The following ATP8B3 variants were observed in gnomAD, a reference collection of about 807,000 sequenced individuals.
ATP8B3 encodes phospholipid-transporting ATPase IK.
In ATP8B3, 141 loss-of-function variants were observed where a neutral mutation model predicts 140.9. That is an observed-to-expected ratio of 1.00 (90% CI 0.87 to 1.15). The LOEUF (loss-of-function observed/expected upper bound fraction) is 1.15, where lower values mean the gene tolerates loss of function less well. Ranked by LOEUF, ATP8B3 falls within the 50% of genes most tolerant of loss-of-function variation. The pLI, the probability that ATP8B3 is intolerant of heterozygous loss-of-function variation, is 0.00. For missense variants in ATP8B3, 1,874 were observed against 1,740.6 expected (o/e 1.08, Z -1.36); for synonymous variants, 765 against 714.6 (o/e 1.07, Z -1.13).
Position 1,788,735 on chromosome 19 carries a change from T to C in ATP8B3, c.3069+162A>G, listed in dbSNP as rs866552844. 3.9e-5 allele frequency among the ~76,000 whole-genome samples: 6 copies of C among 152,198 alleles called. No homozygotes were observed. In the Middle Eastern group the frequency reaches 9.5e-3, roughly 241 times the overall value. On this transcript the variant is annotated intron_variant, in intron 24 of 28. Coordinates refer to ENST00000310127, the MANE Select transcript of ATP8B3 (RefSeq NM_138813.4). The stretch of plus-strand genomic sequence containing the variant: ...CCGTCACCTCCCTTCACCTGGACTC[T>C]AGGCCTCCACTAACGCAGCCTTGCC...
At chr19:1,810,216 G>A (rs977869787) in intron 3 of ATP8B3, among the ~76,000 whole-genome samples, 4 of 152,234 alleles carry the variant, frequency 2.6e-5, no homozygotes, top group South Asian at 2.1e-4. Flanking sequence ...AAGGCCTGAC[G>A]TGCAGGTCTG....
chr19:1,792,271 C>G, intron 18 of ATP8B3, 136 bp from the exon 19 acceptor site: 1 of 1,054,830 alleles, frequency 9.5e-7, no homozygotes, highest in Non-Finnish European at 1.3e-6. Context: ...CAACAGCAGC[C>G]AGAAGGGATT....
chr19:1,803,240 T>TA (rs985169474), intron 10 of ATP8B3, among the ~76,000 whole-genome samples: 1 of 151,994 alleles, frequency 6.6e-6, no homozygotes, highest in African/African-American at 2.4e-5. Context: ...CAGTGAGGGT[T>TA]AAAATGACAA....
chr19:1,791,921 G>T, intron 19 of ATP8B3, 60 bp from the exon 20 acceptor site: 1 of 1,599,444 alleles, frequency 6.3e-7, no homozygotes, highest in East Asian at 2.2e-5. Context: ...CTCCCTGGCG[G>T]GGGCAGGAGA....
At chr19:1,811,096 C>T (rs1185747909) in intron 2 of ATP8B3, among the ~76,000 whole-genome samples, 1 of 152,240 alleles carries the variant, frequency 6.6e-6, no homozygotes, top group Non-Finnish European at 1.5e-5. Flanking sequence ...CCTCCTGCCC[C>T]TCTCCCCATG....
At chr19:1,788,744 A>G (rs1462832354) in intron 24 of ATP8B3, among the ~76,000 whole-genome samples, 153 bp downstream of exon 24, 1 of 152,152 alleles carries the variant, frequency 6.6e-6, no homozygotes, top group Non-Finnish European at 1.5e-5. Context: ...CTAGGCCTCC[A>G]CTAACGCAGC....
At chr19:1,802,190 TC>T (rs1183442682) in intron 11 of ATP8B3, 146 bp from the exon 12 acceptor site, 3 of 224,786 alleles carry the variant, frequency 1.3e-5, no homozygotes, top group South Asian at 3.1e-5. Flanking sequence ...CATCCACCCC[TC>T]ACCCACCCAT....
At position 1,794,505 on chromosome 19, in the gene ATP8B3, C is replaced by T. The variant is rs775008700; in HGVS notation, c.2055+1370G>A. On this transcript the variant is annotated intron_variant, in intron 18 of 28. Coordinates refer to ENST00000310127, the MANE Select transcript of ATP8B3 (RefSeq NM_138813.4). The surrounding 1 kb of genome is among the most constrained non-coding windows in gnomAD (Gnocchi z 4.8). The stretch of plus-strand genomic sequence containing the variant: ...GCCCCAGCAGAACCTGTGAGGAGCC[C>T]CCAGGCTGGACGCAGAATCCTCTGG... 3.9e-5 allele frequency among the ~76,000 whole-genome samples: 6 copies of T among 152,134 alleles called. No individual in the cohort carries two copies. Among genetic ancestry groups the T allele is most frequent in the Middle Eastern group, 3.4e-3 (1 of 294 alleles).
rs773940949 is a variant in ATP8B3, at chr19:1,802,694, C to A, written c.905-49G>T. 2.5e-6 allele frequency: 4 copies of A among 1,570,170 alleles called. No homozygotes were observed. The South Asian group carries it at 3.5e-5, about 14-fold the overall frequency. ...GGGTCAGTGGGCTCAGGCCCTCCTC[C>A]CCAGGTTCCCTGCACCGGGTGCAGG... On this transcript the variant is annotated intron_variant, in intron 10 of 28. Coordinates refer to ENST00000310127, the MANE Select transcript of ATP8B3 (RefSeq NM_138813.4).
rs2068253982 is a variant in ATP8B3 at position 1,784,916 on chromosome 19, G to C, written c.3563C>G (p.Ser1188Cys). 1.2e-6 allele frequency: 2 copies of C among 1,613,008 alleles called. No individual in the cohort carries two copies. Among genetic ancestry groups the C allele is most frequent in the Non-Finnish European group, 8.5e-7 (1 of 1,179,650 alleles). ...ACTCAGCAGGACCACCAGCAGGATG[G>C]AGGGAGAGGACATCACGCTGAGGTC... ...YADLSVMSSPSILLVVLLSVS... is the reference protein window; with the variant it reads ...YADLSVMSSPCILLVVLLSVS... Residue 1188 changes from serine (S) to cysteine (C), a missense_variant, in exon 28 of 29, where the codon TCC becomes TGC. Physicochemically the swap from Ser to Cys is moderately radical, Grantham distance 112 (BLOSUM62 -1). Around this residue, in one of 3 missense-constraint regions of ATP8B3, gnomAD observed 840 missense variants for 760.9 expected, o/e 1.10. Coordinates refer to ENST00000310127, the MANE Select transcript of ATP8B3 (RefSeq NM_138813.4).
In ATP8B3 at chr19:1,785,701, C is replaced by A; in HGVS notation, c.3161G>T (p.Ser1054Ile). 1 of 1,599,828 alleles carries A rather than the reference C, an allele frequency of 6.3e-7. No individual in the cohort carries two copies. Among genetic ancestry groups the A allele is most frequent in the Non-Finnish European group, 8.5e-7 (1 of 1,173,414 alleles). ...LYIGLFEQDV[S>I]AEQSLEKPEL... is the part of the protein sequence containing the mutation. ...CGGCTTCTCCAGGCTCTGCTCTGCGCTCACGTCCTTGGGGCAAGCAGAAGC... is the reference window on the plus strand; with the variant it reads ...CGGCTTCTCCAGGCTCTGCTCTGCGATCACGTCCTTGGGGCAAGCAGAAGC... The change falls in exon 26 of 29, where the codon AGC becomes ATC. Residue 1054 changes from serine (S) to isoleucine (I), a missense_variant. By Grantham distance (142) the Ser-to-Ile change is moderately radical. Transcript: ENST00000310127.
rs928765762 is a variant in ATP8B3, at chr19:1,784,933, G to A, written c.3546C>T (p.Ser1182=). 14 of 1,611,280 alleles carry A rather than the reference G, an allele frequency of 8.7e-6. No individual in the cohort carries two copies. The highest frequency in any genetic ancestry group is 3.3e-5 in the Admixed American group (2 of 59,880). The stretch of plus-strand genomic sequence containing the variant: ...GCAGGATGGAGGGAGAGGACATCAC[G>A]CTGAGGTCGGCATCTGGGGACAGGG... ...TTFPFLYADL[S]VMSSPSILLV... The change falls in exon 28 of 29, where the codon AGC becomes AGT. Residue 1182 remains serine, a synonymous_variant. Transcript: ENST00000310127.
intron 20 of ATP8B3, 55 bp downstream of exon 20, chr19:1,791,695 A>G (rs1224820210): frequency 1.5e-6 from 2 of 1,343,818 alleles, no homozygotes; most frequent in Non-Finnish European, 2.1e-6. Flanking sequence ...ACTTCAGGGA[A>G]GTTTGAAGAC....
chr19:1,785,177 T>G lies in ATP8B3; in HGVS notation c.3514A>C (p.Thr1172Pro). The G allele has an allele frequency of 6.3e-7, 1 of 1,590,386 alleles. No homozygotes were observed. Among genetic ancestry groups the G allele is most frequent in the Non-Finnish European group, 8.6e-7 (1 of 1,169,120 alleles). Residue 1172 changes from threonine to proline, a missense_variant, in exon 27 of 29, where the codon ACG becomes CCG. Coordinates refer to ENST00000310127, the MANE Select transcript of ATP8B3 (RefSeq NM_138813.4). ...QSFWLFRVSPTTFPFLYADLS... is the reference protein window; with the variant it reads ...QSFWLFRVSPPTFPFLYADLS... ...GGCTCACACAGAAACGGGAAGGTCG[T>G]GGGGGATACTCTGAAGAGCCAGAAG...
chr19:1,791,070 C>T (rs1406147097), intron 20 of ATP8B3, among the ~76,000 whole-genome samples: 10 of 152,244 alleles, frequency 6.6e-5, no homozygotes, highest in Non-Finnish European at 1.2e-4. Context: ...GTGTCTGAGG[C>T]CAGGATCAGC....
At chr19:1,792,772 AGGTGT>A (rs1258013487) in intron 18 of ATP8B3, among the ~76,000 whole-genome samples, 1 of 151,544 alleles carries the variant, frequency 6.6e-6, no homozygotes, top group Non-Finnish European at 1.5e-5. Context: ...AAAATTAGCC[AGGTGT>A]GGTGGCGCAT....
intron 18 of ATP8B3, 23 bp downstream of exon 18, chr19:1,795,852 C>T: frequency 1.4e-6 from 2 of 1,418,062 alleles, no homozygotes; most frequent in Non-Finnish European, 2.0e-6. Flanking sequence ...CACACATAAG[C>T]CAGCCTTCCT....
chr19:1,805,340 C>A lies in ATP8B3; in HGVS notation c.904+34G>T. 6.6e-7 allele frequency: 1 copy of A among 1,516,080 alleles called. No homozygotes were observed. The highest frequency in any genetic ancestry group is 2.4e-5 in the East Asian group (1 of 41,156). The allele number at this position is 1,516,080 out of a possible 1,614,324, so 93.9% of individuals were successfully genotyped here. A position where few individuals can be genotyped will look rare whatever the true frequency, so the allele number is the denominator to read the frequency against. On this transcript the variant is annotated intron_variant, in intron 10 of 28. Coordinates refer to ENST00000310127, the MANE Select transcript of ATP8B3 (RefSeq NM_138813.4). This position sits in a 1 kb window ranked among gnomAD's most constrained non-coding sequence, Gnocchi z 5.2. ...CCCTAACTTTTAACTTTTACAGATT[C>A]GAGGGACGTGACTCCCTGCTCAACG... is the stretch of plus-strand genomic sequence containing the variant.
Position 1,802,552 on chromosome 19 carries a change from T to C in ATP8B3, c.998A>G (p.Asn333Ser), listed in dbSNP as rs142875994. 6.2e-7 allele frequency: 1 copy of C among 1,610,098 alleles called. No homozygotes were observed. Among genetic ancestry groups the C allele is most frequent in the Non-Finnish European group, 8.5e-7 (1 of 1,179,262 alleles). ...AATCCTGCAGCCTCGGAGGAGGAGG[T>C]TGCCAATGTCCAGGGAGTATTTCTT... is the stretch of plus-strand genomic sequence containing the variant. ...NDKKYSLDIG[N>S]LLLRGCRIRN... The change falls in exon 11 of 29, where the codon AAC (asparagine) becomes AGC (serine). Residue 333 changes from asparagine to serine, a missense_variant. Physicochemically the swap from Asn to Ser is conservative, Grantham distance 46. Around this residue, in one of 3 missense-constraint regions of ATP8B3, gnomAD observed 1,032 missense variants for 963.6 expected, o/e 1.07. Coordinates refer to ENST00000310127, the MANE Select transcript of ATP8B3 (RefSeq NM_138813.4).
Sources: allele counts gnomAD v4.1 joint callset (sites outside exome capture counted in the v4.1 genomes callset), GRCh38; gene constraint gnomAD v4.1.1; regional missense constraint gnomAD v4.1.1; non-coding constraint Gnocchi (gnomAD v3.1); transcripts MANE v1.5; gene names NCBI Gene and HGNC (gene_info 2026-07-23, HGNC 2026-07-21).